SLC67A1: variants seen among roughly 807,000 people sequenced by gnomAD.
SLC67A1 encodes solute carrier family 67 member 1.
the SLC67A1 span, chr11:2,919,191 C>A: frequency 1.4e-6 from 1 of 725,226 alleles, no homozygotes; most frequent in Non-Finnish European, 2.5e-6. Flanking sequence ...CTCCCTGAAC[C>A]AGTCACCAGC....
chr11:2,919,240 G>A, the SLC67A1 span: 90 of 1,144,140 alleles, frequency 7.9e-5, 1 homozygote, highest in South Asian at 9.1e-4. Context: ...CTGCTGAGGC[G>A]GGAGGGAGGT....
the SLC67A1 span, among the ~76,000 whole-genome samples, chr11:2,901,892 T>C: frequency 6.6e-6 from 1 of 152,148 alleles, no homozygotes; most frequent in East Asian, 1.9e-4. Flanking sequence ...ATTCCTCCGC[T>C]TTTCTCTCCC....
the SLC67A1 span, among the ~76,000 whole-genome samples, chr11:2,922,794 G>A: frequency 6.6e-6 from 1 of 152,102 alleles, no homozygotes; most frequent in Non-Finnish European, 1.5e-5. Flanking sequence ...CTGGGGGCAG[G>A]CCAGGGGCCT....
the SLC67A1 span, among the ~76,000 whole-genome samples, chr11:2,911,993 A>G: frequency 2.0e-4 from 30 of 152,328 alleles, no homozygotes; most frequent in Admixed American, 1.1e-3. Flanking sequence ...GACGTTTCAT[A>G]ATCAGACCAG....
At chr11:2,904,721 C>T in the SLC67A1 span, among the ~76,000 whole-genome samples, 55 of 152,324 alleles carry the variant, frequency 3.6e-4, no homozygotes, top group Admixed American at 5.9e-4. Flanking sequence ...CCCACTCCCT[C>T]GGAGCTGGGG....
the SLC67A1 span, among the ~76,000 whole-genome samples, chr11:2,911,619 C>T: frequency 4.6e-5 from 7 of 152,258 alleles, no homozygotes; most frequent in Admixed American, 3.3e-4. Context: ...AGGGCCCAGC[C>T]GCCTGCTGCC....
chr11:2,910,560 C>T, the SLC67A1 span, among the ~76,000 whole-genome samples: 1 of 152,078 alleles, frequency 6.6e-6, no homozygotes, highest in African/African-American at 2.4e-5. Flanking sequence ...GGGCAGGCAC[C>T]AGGCCGGGGT....
chr11:2,903,483 C>A, the SLC67A1 span: 1 of 1,613,234 alleles, frequency 6.2e-7, no homozygotes, highest in Non-Finnish European at 8.5e-7. Flanking sequence ...AGTTCTCCAT[C>A]GTGCCAGTGA....
chr11:2,924,754 C>T, the SLC67A1 span, among the ~76,000 whole-genome samples: 1 of 152,126 alleles, frequency 6.6e-6, no homozygotes, highest in African/African-American at 2.4e-5. The surrounding 1 kb of genome is among the most constrained non-coding windows in gnomAD (Gnocchi z 8.6). Context: ...CCTCGGGGAA[C>T]AGACCAGTGG....
chr11:2,900,910 T>G, the SLC67A1 span, among the ~76,000 whole-genome samples: 18 of 152,224 alleles, frequency 1.2e-4, no homozygotes, highest in South Asian at 6.2e-4. Flanking sequence ...AGCAGGACCC[T>G]CCTGGAATGG....
At chr11:2,899,898 T>A in the SLC67A1 span, 1 of 570,324 alleles carries the variant, frequency 1.8e-6, no homozygotes, top group Non-Finnish European at 3.0e-6. Flanking sequence ...TCATCCCATC[T>A]CCTCCTGCCG....
chr11:2,910,358 A>G, the SLC67A1 span, among the ~76,000 whole-genome samples: 2 of 152,324 alleles, frequency 1.3e-5, no homozygotes, highest in Non-Finnish European at 2.9e-5. Flanking sequence ...TTCCCGTAAC[A>G]TCAGGCTGAG....
the SLC67A1 span, chr11:2,909,141 G>C: frequency 1.4e-6 from 2 of 1,432,278 alleles, no homozygotes; most frequent in Non-Finnish European, 1.8e-6. Context: ...CCTGGACGGG[G>C]GGAAGGGGAC....
At chr11:2,919,143 G>A in the SLC67A1 span, 2 of 605,600 alleles carry the variant, frequency 3.3e-6, no homozygotes, top group Non-Finnish European at 3.0e-6. Flanking sequence ...CAGAATCCCA[G>A]GGAAGGGTCT....
At chr11:2,916,611 G>T in the SLC67A1 span, 1 of 1,606,748 alleles carries the variant, frequency 6.2e-7, no homozygotes, top group African/African-American at 1.3e-5. Flanking sequence ...AGCCGAGGCT[G>T]TTGCCCGCAG....
At chr11:2,901,424 G>A in the SLC67A1 span, among the ~76,000 whole-genome samples, 1 of 152,248 alleles carries the variant, frequency 6.6e-6, no homozygotes, top group Admixed American at 6.5e-5. Context: ...ACACATGGCA[G>A]GGGGACACTG....
the SLC67A1 span, chr11:2,919,355 T>C: frequency 1.5e-5 from 24 of 1,613,976 alleles, no homozygotes; most frequent in Non-Finnish European, 1.9e-5. Flanking sequence ...TTCTTCCAGC[T>C]GGAGGCCGCC....
the SLC67A1 span, chr11:2,917,056 G>GTGCT: frequency 6.9e-6 from 2 of 290,032 alleles, no homozygotes; most frequent in South Asian, 5.5e-5. Context: ...GAGGCCTGGG[G>GTGCT]AGGACCAGGA....
the SLC67A1 span, among the ~76,000 whole-genome samples, chr11:2,924,852 G>T: frequency 1.3e-5 from 2 of 152,156 alleles, no homozygotes; most frequent in Non-Finnish European, 2.9e-5. The surrounding 1 kb of genome is among the most constrained non-coding windows in gnomAD (Gnocchi z 8.6). Flanking sequence ...GGAAAGGATG[G>T]GTGTTCAGGG....
Sources: allele counts gnomAD v4.1 joint callset (sites outside exome capture counted in the v4.1 genomes callset), GRCh38; gene constraint gnomAD v4.1.1; non-coding constraint Gnocchi (gnomAD v3.1); transcripts MANE v1.5; gene names NCBI Gene and HGNC (gene_info 2026-07-23, HGNC 2026-07-21).